Variants in PARD3B observed in about 807,000 individuals in gnomAD.
PARD3B encodes the protein partitioning defective 3 homolog B.
In PARD3B, 103 loss-of-function variants were observed where a neutral mutation model predicts 130.2. That is an observed-to-expected ratio of 0.79 (90% CI 0.67 to 0.93). The LOEUF is 0.93. Ranked by LOEUF, PARD3B falls within the 40% of genes least tolerant of loss-of-function variation. PARD3B has a pLI of 0.00. For missense variants in PARD3B, 1,609 were observed against 1,499.2 expected, an observed-to-expected ratio of 1.07 and a Z score of -1.21; for synonymous variants, 583 against 553.2, an observed-to-expected ratio of 1.05 and a Z score of -0.76.
chr2:204,778,527 G>C (rs745497658), intron 2 of PARD3B, among the ~76,000 whole-genome samples: 2 of 150,650 alleles, frequency 1.3e-5, no homozygotes, highest in African/African-American at 2.4e-5. Flanking sequence ...TTGCCAGGTG[G>C]TTGTACATGG....
chr2:205,217,511 C>T (rs1158555051), intron 15 of PARD3B, among the ~76,000 whole-genome samples: 1 of 151,772 alleles, frequency 6.6e-6, no homozygotes, highest in Non-Finnish European at 1.5e-5. Context: ...ATCATAGTAC[C>T]ATCTTCAAAC....
chr2:205,328,763 T>C (rs1448367672), intron 18 of PARD3B, among the ~76,000 whole-genome samples: 2 of 152,146 alleles, frequency 1.3e-5, no homozygotes, highest in South Asian at 2.1e-4. Context: ...ACACAAACCA[T>C]CTCTTTCCTT....
At chr2:205,337,641 C>G (rs570936703) in intron 18 of PARD3B, among the ~76,000 whole-genome samples, 2 of 152,286 alleles carry the variant, frequency 1.3e-5, no homozygotes, top group South Asian at 4.1e-4. Context: ...GTCATTCAGT[C>G]TCTCCCAAGT....
chr2:204,670,753 C>T (rs540047994), intron 1 of PARD3B, among the ~76,000 whole-genome samples: 18 of 152,068 alleles, frequency 1.2e-4, no homozygotes, highest in Non-Finnish European at 2.2e-4. Context: ...GCTATTGTTA[C>T]TTTTGAGCCC....
rs115556249 is a variant in PARD3B, at chr2:204,586,129, G to A, written c.120+40010G>A. Among the ~76,000 whole-genome samples the A allele has an allele frequency of 9.0e-3, 1,365 of 152,328 alleles. 19 individuals carry two copies. Among genetic ancestry groups the A allele is most frequent in the African/African-American group, 0.032 (1,325 of 41,562 alleles). On this transcript the variant is annotated intron_variant, in intron 1 of 22. Coordinates refer to ENST00000406610, the MANE Select transcript of PARD3B (RefSeq NM_001302769.2). ...AGCATTCTTTAGACTTGGCTAATGA[G>A]TCTGATGTCATAAAGGGAGCTTTAT...
chr2:204,637,754 C>T (rs1290226048), intron 1 of PARD3B, among the ~76,000 whole-genome samples: 2 of 151,158 alleles, frequency 1.3e-5, no homozygotes, highest in South Asian at 4.2e-4. Flanking sequence ...CCTCTGTCCC[C>T]CTTGACCTCA....
intron 4 of PARD3B, among the ~76,000 whole-genome samples, chr2:205,063,532 T>C (rs1361700841): frequency 6.6e-6 from 1 of 152,108 alleles, no homozygotes; most frequent in African/African-American, 2.4e-5. Context: ...CCTTTATCCG[T>C]GTAACTCAGC....
intron 2 of PARD3B, among the ~76,000 whole-genome samples, chr2:204,727,912 C>G (rs2039310214): frequency 6.6e-6 from 1 of 152,106 alleles, no homozygotes; most frequent in African/African-American, 2.4e-5. Flanking sequence ...TCAGTGGTCT[C>G]TTACCAGGAA....
At chr2:204,821,319 G>A (rs1180654953) in intron 2 of PARD3B, among the ~76,000 whole-genome samples, 1 of 152,046 alleles carries the variant, frequency 6.6e-6, no homozygotes, top group African/African-American at 2.4e-5. Flanking sequence ...AACAATGATA[G>A]ACTGGATTAA....
chr2:205,122,831 A>G lies in PARD3B; in HGVS notation c.1165+882A>G, dbSNP rs2030908462. On this transcript the variant is annotated intron_variant, in intron 8 of 22. Transcript: ENST00000406610. The surrounding 1 kb of genome is among the most constrained non-coding windows in gnomAD (Gnocchi z 4.3). ...GGAAAGATTCTCTGATCAAAATTTC[A>G]TTCACCTATAAGAATTCTATTCTGG... Among the ~76,000 whole-genome samples, 1 of 152,238 alleles carries G rather than the reference A, an allele frequency of 6.6e-6. No homozygotes were observed. The highest frequency in any genetic ancestry group is 2.4e-5 in the African/African-American group (1 of 41,468).
intron 2 of PARD3B, among the ~76,000 whole-genome samples, chr2:204,867,207 T>C (rs1223351629): frequency 6.6e-6 from 1 of 152,216 alleles, no homozygotes; most frequent in Non-Finnish European, 1.5e-5. Context: ...ACTTTTGACC[T>C]AATTAGCTTT....
intron 1 of PARD3B, 61 bp downstream of exon 1, chr2:204,546,180 C>T: frequency 1.3e-6 from 2 of 1,545,418 alleles, no homozygotes; most frequent in Non-Finnish European, 1.7e-6. Context: ...AGGTGCGACC[C>T]GGTGGCGACA....
At chr2:205,210,812 T>C (rs1030703013) in intron 15 of PARD3B, among the ~76,000 whole-genome samples, 2 of 152,080 alleles carry the variant, frequency 1.3e-5, no homozygotes, top group African/African-American at 4.8e-5. Flanking sequence ...CTCCCAGCTG[T>C]TTGACTGTAT....
At chr2:204,726,335 C>T (rs2039226444) in intron 2 of PARD3B, among the ~76,000 whole-genome samples, 1 of 152,150 alleles carries the variant, frequency 6.6e-6, no homozygotes, top group Admixed American at 6.5e-5. Context: ...CTGGTTCATC[C>T]TCACTCATCC....
chr2:205,315,056 AT>A (rs1264448048), intron 18 of PARD3B, among the ~76,000 whole-genome samples: 3 of 152,262 alleles, frequency 2.0e-5, no homozygotes, highest in African/African-American at 7.2e-5. Context: ...TTACTAACTG[AT>A]TTGCCTGCTT....
At chr2:204,630,479 C>A (rs2034640219) in intron 1 of PARD3B, among the ~76,000 whole-genome samples, 1 of 152,032 alleles carries the variant, frequency 6.6e-6, no homozygotes, top group African/African-American at 2.4e-5. Flanking sequence ...CATCTTGCAT[C>A]TAGATACTTG....
At chr2:205,524,523 T>A (rs1396357785) in intron 21 of PARD3B, among the ~76,000 whole-genome samples, 2 of 152,202 alleles carry the variant, frequency 1.3e-5, no homozygotes, top group East Asian at 3.8e-4. Flanking sequence ...CCCTGACTTC[T>A]TTTTGGCCCA....
intron 3 of PARD3B, among the ~76,000 whole-genome samples, chr2:205,001,143 C>T (rs1455865813): frequency 1.3e-5 from 2 of 152,086 alleles, no homozygotes; most frequent in Non-Finnish European, 2.9e-5. Context: ...TGCCTGCAAC[C>T]ACACCTGGCT....
At chr2:205,312,294 C>A (rs1039712613) in intron 18 of PARD3B, among the ~76,000 whole-genome samples, 2 of 152,162 alleles carry the variant, frequency 1.3e-5, no homozygotes, top group African/African-American at 4.8e-5. Context: ...AAAAGGCCAA[C>A]AACAGGCTAG....
Sources: allele counts gnomAD v4.1 joint callset (sites outside exome capture counted in the v4.1 genomes callset), GRCh38; gene constraint gnomAD v4.1.1; non-coding constraint Gnocchi (gnomAD v3.1); transcripts MANE v1.5; gene names NCBI Gene and HGNC (gene_info 2026-07-23, HGNC 2026-07-21).